Variants in PRMT9 observed in about 807,000 individuals in gnomAD.
The protein encoded by PRMT9 is protein arginine N-methyltransferase 9.
Under a neutral mutation model 83.2 loss-of-function variants are expected in PRMT9, and 59 were observed. That is an observed-to-expected ratio of 0.71 (90% CI 0.57 to 0.88). The LOEUF (loss-of-function observed/expected upper bound fraction) is 0.88, where lower values mean the gene tolerates loss of function less well. Among genes scored for constraint, PRMT9 ranks in the 40% least tolerant of loss-of-function variants. PRMT9 has a pLI of 0.00. For synonymous variants in PRMT9, 333 were observed against 353.2 expected (o/e 0.94, Z 0.64); for missense variants, 947 against 1,021.9 (o/e 0.93, Z 1.00).
At position 147,657,930 on chromosome 4, in the gene PRMT9, G is replaced by T. The variant is rs1269099730; in HGVS notation, c.1192C>A (p.Pro398Thr). 1 of 1,599,932 alleles carries T rather than the reference G, an allele frequency of 6.3e-7. No individual in the cohort carries two copies. Among genetic ancestry groups the T allele is most frequent in the African/African-American group, 1.4e-5 (1 of 70,716 alleles). Residue 398 changes from proline (P) to threonine (T), a missense_variant, in exon 8 of 12, where the codon CCT becomes ACT. Pro to Thr is a conservative substitution (Grantham distance 38). Transcript: ENST00000322396. ...TCTAGTATGCCTTCTTTAATAACAG[G>T]AATACCAATCTTATCAGGCTTTTTA... is the stretch of plus-strand genomic sequence containing the variant. ...ATKKPDKIGI[P>T]VIKEGILDAI...
At chr4:147,673,179 C>T in intron 3 of PRMT9, 53 bp from the exon 4 acceptor site, 1 of 1,547,114 alleles carries the variant, frequency 6.5e-7, no homozygotes, top group Non-Finnish European at 8.9e-7. Flanking sequence ...TGTATTTTCT[C>T]AAATTTTAAG....
At chr4:147,671,835 G>A in intron 4 of PRMT9, 2 of 455,958 alleles carry the variant, frequency 4.4e-6, no homozygotes, top group Non-Finnish European at 8.8e-6. Flanking sequence ...GATTCATGCT[G>A]ACTCATGTCC....
intron 3 of PRMT9, 41 bp downstream of exon 3, chr4:147,673,597 A>G (rs1207949771): frequency 1.7e-6 from 2 of 1,188,324 alleles, no homozygotes; most frequent in East Asian, 4.7e-5. Context: ...AATTTACATT[A>G]GAATACATGT....
Position 147,660,831 on chromosome 4 carries a change from CTG to C in PRMT9, c.1146+13_1146+14del, listed in dbSNP as rs1412588962. 5.1e-6 allele frequency: 8 copies of C among 1,573,076 alleles called. No individual in the cohort carries two copies. On this transcript the variant is annotated intron_variant, in intron 7 of 11. Coordinates refer to ENST00000322396, the MANE Select transcript of PRMT9 (RefSeq NM_138364.4). Reference sequence around the variant, plus strand: ...GAAATTTAATGCTTGAAAATAGTAACTGAATTTTTTTCACCTGAAGGTTGTTG... The same window carrying C: ...GAAATTTAATGCTTGAAAATAGTAACAATTTTTTTCACCTGAAGGTTGTTG...
chr4:147,664,948 T>C (rs1184073833), intron 6 of PRMT9, among the ~76,000 whole-genome samples: 2 of 151,342 alleles, frequency 1.3e-5, no homozygotes, highest in Non-Finnish European at 2.9e-5. Context: ...AACCCCTCTC[T>C]ACTAAAAAAA....
At chr4:147,664,132 C>A (rs1392193119) in intron 6 of PRMT9, among the ~76,000 whole-genome samples, 1 of 152,072 alleles carries the variant, frequency 6.6e-6, no homozygotes, top group Non-Finnish European at 1.5e-5. Flanking sequence ...GACAGCAAGA[C>A]CCTGTCTCTA....
At chr4:147,672,062 C>T (rs539065780) in intron 4 of PRMT9, 6 of 344,548 alleles carry the variant, frequency 1.7e-5, no homozygotes, top group African/African-American at 1.1e-4. Flanking sequence ...TGTGGTATTT[C>T]GTTATGGCAG....
chr4:147,659,575 T>TTTTC (rs1174122975), intron 7 of PRMT9, among the ~76,000 whole-genome samples: 2 of 15,716 alleles, frequency 1.3e-4, no homozygotes, highest in Non-Finnish European at 1.6e-4. Context: ...GGGCACTTTC[T>TTTTC]TTTCTTTTTT....
At chr4:147,666,857 C>T (rs958598434) in intron 6 of PRMT9, among the ~76,000 whole-genome samples, 1 of 149,646 alleles carries the variant, frequency 6.7e-6, no homozygotes, top group Non-Finnish European at 1.5e-5. Context: ...ATATTGGCCT[C>T]ATTCATCCAG....
chr4:147,675,195 G>A (rs1232039331), intron 2 of PRMT9, among the ~76,000 whole-genome samples: 1 of 152,078 alleles, frequency 6.6e-6, no homozygotes, highest in Non-Finnish European at 1.5e-5. Context: ...GGTCAGGCTG[G>A]TCGCAAACTC....
intron 8 of PRMT9, 107 bp downstream of exon 8, chr4:147,657,682 ACCT>A: frequency 2.5e-6 from 2 of 787,566 alleles, no homozygotes; most frequent in East Asian, 2.7e-5. Flanking sequence ...GATTTAACCA[ACCT>A]CCTTTGACTG....
chr4:147,659,769 C>G (rs935721853), intron 7 of PRMT9, among the ~76,000 whole-genome samples: 5 of 152,062 alleles, frequency 3.3e-5, no homozygotes, highest in African/African-American at 1.2e-4. Context: ...TTAGTAGAGA[C>G]AGGGTTTCAC....
intron 6 of PRMT9, chr4:147,661,283 G>A (rs2126610197): frequency 5.0e-6 from 2 of 398,334 alleles, no homozygotes; most frequent in Middle Eastern, 6.8e-4. Flanking sequence ...AAAACACCCT[G>A]TAATAAAGTA....
Position 147,657,815 on chromosome 4 carries a change from A to G in PRMT9, c.1307T>C (p.Val436Ala). ...PSEETCWEQA[V>A]YPVQDLADYW... is the part of the protein sequence containing the mutation. ...ACCTGCAAGGTCCTGTACGGGGTAG[A>G]CAGCCTGTTCCCAACATGTTTCCTC... is the stretch of plus-strand genomic sequence containing the variant. Residue 436 changes from valine (V) to alanine (A), a missense_variant, in exon 8 of 12, where the codon GTC becomes GCC. Coordinates refer to ENST00000322396, the MANE Select transcript of PRMT9 (RefSeq NM_138364.4). 1 of 1,612,342 alleles carries G rather than the reference A, an allele frequency of 6.2e-7. No homozygotes were observed. Among genetic ancestry groups the G allele is most frequent in the African/African-American group, 1.3e-5 (1 of 74,298 alleles).
chr4:147,661,261 T>TAA (rs35220006), intron 6 of PRMT9: 74 of 289,610 alleles, frequency 2.6e-4, no homozygotes, highest in South Asian at 1.1e-3. Flanking sequence ...GTCTGCTCAC[T>TAA]AAAAAAAAAA....
chr4:147,674,022 G>A lies in PRMT9; in HGVS notation c.339-148C>T, dbSNP rs569350763. 193 of 687,582 alleles carry A rather than the reference G, an allele frequency of 2.8e-4. 1 individual carries two copies. The highest frequency in any genetic ancestry group is 2.6e-3 in the African/African-American group (148 of 56,296). The allele number at this position is 687,582 out of a possible 1,614,324, so 42.6% of individuals were successfully genotyped here. On this transcript the variant is annotated intron_variant, in intron 2 of 11. Coordinates refer to ENST00000322396, the MANE Select transcript of PRMT9 (RefSeq NM_138364.4). Reference sequence around the variant, plus strand: ...CAAGTGCTACCTCTTTTGGGAAGCTGTCTGTGAGGACTGCAAGCCTCAGTA... The same window carrying A: ...CAAGTGCTACCTCTTTTGGGAAGCTATCTGTGAGGACTGCAAGCCTCAGTA...
intron 10 of PRMT9, among the ~76,000 whole-genome samples, chr4:147,639,590 A>C (rs1404094383): frequency 6.6e-6 from 1 of 152,186 alleles, no homozygotes; most frequent in East Asian, 1.9e-4. Flanking sequence ...GGTTTTTAAA[A>C]GCCCAGCTGT....
At chr4:147,661,270 A>C (rs1734931861) in intron 6 of PRMT9, 1 of 431,262 alleles carries the variant, frequency 2.3e-6, no homozygotes, top group Non-Finnish European at 4.0e-6. Flanking sequence ...CTAAAAAAAA[A>C]AAAAAACACC....
chr4:147,676,260 G>A (rs190222167), intron 2 of PRMT9, among the ~76,000 whole-genome samples: 2 of 152,106 alleles, frequency 1.3e-5, no homozygotes, highest in Admixed American at 1.3e-4. Flanking sequence ...CTGTTAAATT[G>A]AGTTTATCCT....
Sources: gnomAD v4.1 joint callset for allele counts (sites outside exome capture counted in the v4.1 genomes callset) on GRCh38, gnomAD v4.1.1 for gene constraint, MANE v1.5 for transcripts, NCBI Gene and HGNC (gene_info 2026-07-23, HGNC 2026-07-21) for gene names.